Variants in KIF13B observed in about 807,000 individuals in gnomAD.
KIF13B encodes the protein kinesin family member 13B, also known as kinesin-like protein KIF13B.
KIF13B carries 127 observed loss-of-function variants against 222.0 expected under a neutral mutation model. The ratio of observed to expected loss-of-function variants is 0.57; its 90% CI spans 0.50 to 0.66. The LOEUF (loss-of-function observed/expected upper bound fraction) is 0.66. Ranked by LOEUF, KIF13B falls within the 30% of genes least tolerant of loss-of-function variation. The pLI, the probability that KIF13B is intolerant of heterozygous loss-of-function variation, is 0.00. For missense variants in KIF13B, 2,173 were observed against 2,379.0 expected, an observed-to-expected ratio of 0.91 and a Z score of 1.80; for synonymous variants, 976 against 919.0, an observed-to-expected ratio of 1.06 and a Z score of -1.12.
chr8:29,156,511 T>A (rs1399582893), intron 13 of KIF13B, among the ~76,000 whole-genome samples: 1 of 151,858 alleles, frequency 6.6e-6, no homozygotes, highest in Non-Finnish European at 1.5e-5. Context: ...GTCACTTATT[T>A]TTTATTTATT....
chr8:29,181,856 G>GAA, intron 7 of KIF13B, 63 bp downstream of exon 7: 3 of 1,100,594 alleles, frequency 2.7e-6, no homozygotes, highest in South Asian at 1.5e-5. Context: ...ATTAAGCCAA[G>GAA]AAAAAAAAGA....
chr8:29,224,275 T>A (rs995977510), intron 2 of KIF13B, among the ~76,000 whole-genome samples: 34 of 151,890 alleles, frequency 2.2e-4, no homozygotes, highest in Admixed American at 2.2e-3. Flanking sequence ...AGTGCTGGAA[T>A]TACAGGCGTG....
chr8:29,094,770 A>G (rs949415424), intron 36 of KIF13B, among the ~76,000 whole-genome samples: 5 of 152,246 alleles, frequency 3.3e-5, no homozygotes, highest in Non-Finnish European at 7.3e-5. Context: ...AAGTCCAAAG[A>G]TGCAAAGGAG....
intron 21 of KIF13B, 21 bp downstream of exon 21, chr8:29,140,042 T>C (rs963323735): frequency 6.4e-7 from 1 of 1,556,172 alleles, no homozygotes; most frequent in African/African-American, 1.4e-5. Context: ...AACGTAATAC[T>C]AGGATGAAGC....
chr8:29,148,719 G>C lies in KIF13B; in HGVS notation c.1671C>G (p.Asp557Glu), dbSNP rs1345486265. Residue 557 changes from aspartate (D) to glutamate (E), a missense_variant, in exon 16 of 40, where the codon GAC becomes GAG. Physicochemically the swap from Asp to Glu is conservative, Grantham distance 45. Around this residue, in one of 2 missense-constraint regions of KIF13B, gnomAD observed 1,480 missense variants for 1,722.8 expected, o/e 0.86. Coordinates refer to ENST00000524189, the MANE Select transcript of KIF13B (RefSeq NM_015254.4). ...KKKKAEREDE[D>E]QDPSMKNENS... is the part of the protein sequence containing the mutation. ...TCTCGTTCTTCATGGAGGGATCCTG[G>C]TCCTCATCCTCTCGTTCTGCTTTCT... 2 of 1,607,826 alleles carry C rather than the reference G, an allele frequency of 1.2e-6. No individual in the cohort carries two copies. The highest frequency in any genetic ancestry group is 4.5e-5 in the East Asian group (2 of 44,674).
intron 2 of KIF13B, among the ~76,000 whole-genome samples, chr8:29,223,537 T>C (rs1814865258): frequency 6.6e-6 from 1 of 152,188 alleles, no homozygotes; most frequent in South Asian, 2.1e-4. Context: ...GATAGATCAA[T>C]ATGCTATTTC....
chr8:29,097,662 C>T (rs1293545965), intron 36 of KIF13B, among the ~76,000 whole-genome samples: 1 of 152,044 alleles, frequency 6.6e-6, no homozygotes, highest in Non-Finnish European at 1.5e-5. Flanking sequence ...TTTTAAAATA[C>T]TCTGAATAGA....
At position 29,132,288 on chromosome 8, in the gene KIF13B, G is replaced by C; in HGVS notation, c.2942+20C>G. 1 of 1,419,604 alleles carries C rather than the reference G, an allele frequency of 7.0e-7. No homozygotes were observed. The highest frequency in any genetic ancestry group is 2.6e-5 in the East Asian group (1 of 38,176). 87.9% of individuals were successfully genotyped at this position (1,419,604 alleles called of 1,614,324 possible). A position where few individuals can be genotyped will look rare whatever the true frequency, so the allele number is the denominator to read the frequency against. ...AATTACATATATATAAATGGAATCA[G>C]ATGAACATCTAATATTCACCTGTCC... On this transcript the variant is annotated intron_variant, in intron 23 of 39. Transcript: ENST00000524189.
At chr8:29,225,162 T>C (rs1233567627) in intron 2 of KIF13B, among the ~76,000 whole-genome samples, 1 of 152,118 alleles carries the variant, frequency 6.6e-6, no homozygotes, top group South Asian at 2.1e-4. Context: ...AGATAGAGAA[T>C]AGCACGACAG....
intron 27 of KIF13B, 46 bp from the exon 28 acceptor site, chr8:29,123,538 AT>A: frequency 6.2e-7 from 1 of 1,609,724 alleles, no homozygotes; most frequent in Non-Finnish European, 8.5e-7. Flanking sequence ...TTCACTTGCC[AT>A]TTATCTTTTT....
chr8:29,218,714 T>A (rs1814605223), intron 2 of KIF13B, among the ~76,000 whole-genome samples: 1 of 152,138 alleles, frequency 6.6e-6, no homozygotes. Context: ...AAGAGAGTCA[T>A]GGATTATATA....
chr8:29,210,271 G>A (rs978547325), intron 2 of KIF13B, among the ~76,000 whole-genome samples: 1 of 152,130 alleles, frequency 6.6e-6, no homozygotes, highest in African/African-American at 2.4e-5. Context: ...AAACTGCCCA[G>A]AACACTTGAA....
At chr8:29,145,694 C>T (rs1359142928) in intron 18 of KIF13B, among the ~76,000 whole-genome samples, 4 of 151,798 alleles carry the variant, frequency 2.6e-5, no homozygotes, top group Non-Finnish European at 5.9e-5. Flanking sequence ...GTGTTGACTA[C>T]CGCAGGCTAA....
chr8:29,075,252 G>C (rs944351064), intron 38 of KIF13B, 29 bp downstream of exon 38: 1 of 1,547,762 alleles, frequency 6.5e-7, no homozygotes, highest in Admixed American at 2.0e-5. Context: ...CTGTAGGTGG[G>C]GTGGCCACCC....
intron 13 of KIF13B, among the ~76,000 whole-genome samples, chr8:29,158,008 C>T (rs916746005): frequency 6.6e-6 from 1 of 152,166 alleles, no homozygotes; most frequent in Non-Finnish European, 1.5e-5. Flanking sequence ...ACATCGGCCT[C>T]CCATCTGTTC....
intron 36 of KIF13B, among the ~76,000 whole-genome samples, chr8:29,095,487 C>T (rs573302999): frequency 2.3e-4 from 35 of 152,322 alleles, no homozygotes; most frequent in Admixed American, 5.9e-4. Flanking sequence ...AAATACTAGG[C>T]TGGGTGCGGT....
intron 3 of KIF13B, 114 bp from the exon 4 acceptor site, chr8:29,191,171 G>T: frequency 4.0e-6 from 3 of 745,372 alleles, no homozygotes; most frequent in Non-Finnish European, 4.5e-6. Flanking sequence ...CATACAATGG[G>T]AATTAATTAT....
At chr8:29,117,885 C>T (rs1471334043) in intron 30 of KIF13B, among the ~76,000 whole-genome samples, 3 of 152,174 alleles carry the variant, frequency 2.0e-5, no homozygotes, top group South Asian at 2.1e-4. Flanking sequence ...TGGCCAGGCG[C>T]GGTGGCTCAT....
intron 1 of KIF13B, among the ~76,000 whole-genome samples, chr8:29,248,344 G>C (rs1816127534): frequency 6.6e-6 from 1 of 152,068 alleles, no homozygotes; most frequent in Admixed American, 6.5e-5. Flanking sequence ...GAACACTACT[G>C]AGCAAAAAAA....
Sources: gnomAD v4.1 joint callset for allele counts (sites outside exome capture counted in the v4.1 genomes callset) on GRCh38, gnomAD v4.1.1 for gene constraint, gnomAD v4.1.1 regional missense constraint, MANE v1.5 for transcripts, NCBI Gene and HGNC (gene_info 2026-07-23, HGNC 2026-07-21) for gene names.